Variants in STX17 observed in about 807,000 individuals in gnomAD.
STX17 encodes the protein syntaxin 17.
In STX17, 29 loss-of-function variants were observed where a neutral mutation model predicts 35.9. The ratio of observed to expected loss-of-function variants is 0.81; its 90% CI spans 0.60 to 1.10. STX17 has a LOEUF of 1.10. STX17 is among the 50% of genes least tolerant of loss of function. STX17 has a pLI of 0.00. For synonymous variants in STX17, 92 were observed against 118.3 expected, an observed-to-expected ratio of 0.78 and a Z score of 1.44; for missense variants, 312 against 352.3, an observed-to-expected ratio of 0.89 and a Z score of 0.92.
Position 99,950,763 on chromosome 9 carries a change from C to T in STX17, c.190-297C>T, listed in dbSNP as rs576905264. Among the ~76,000 whole-genome samples, 26 of 151,904 alleles carry T rather than the reference C, an allele frequency of 1.7e-4. 1 individual carries two copies. The South Asian group carries it at 5.4e-3, about 31-fold the overall frequency. On this transcript the variant is annotated intron_variant, in intron 3 of 7. Transcript: ENST00000259400. ...GGTGGGATAGGTGAAGTGAGAATAT[C>T]ATTTTTATTTCATATGCTTCTGTAG...
chr9:99,922,968 C>A (rs1182194076), intron 2 of STX17, among the ~76,000 whole-genome samples: 3 of 152,180 alleles, frequency 2.0e-5, no homozygotes, highest in Admixed American at 6.5e-5. Context: ...TTCCTGTCCC[C>A]TGGTGGAACT....
chr9:99,968,504 T>G lies in STX17; in HGVS notation c.740T>G (p.Ile247Ser), dbSNP rs146095659. The G allele has an allele frequency of 6.2e-7, 1 of 1,612,642 alleles. No homozygotes were observed. The highest frequency in any genetic ancestry group is 1.3e-5 in the African/African-American group (1 of 74,840). Residue 247 changes from isoleucine (I) to serine (S), a missense_variant, in exon 8 of 8, where the codon ATT becomes AGT. Physicochemically the swap from Ile to Ser is moderately radical, Grantham distance 142 (BLOSUM62 -2). Coordinates refer to ENST00000259400, the MANE Select transcript of STX17 (RefSeq NM_017919.3). ...ALIGGMVGGP[I>S]GLLAGFKVAG... ...ATCGGGGGAATGGTAGGGGGTCCTA[T>G]TGGCCTCCTTGCAGGCTTCAAAGTG...
At chr9:99,944,978 A>G (rs1054157164) in intron 3 of STX17, among the ~76,000 whole-genome samples, 3 of 152,214 alleles carry the variant, frequency 2.0e-5, no homozygotes, top group African/African-American at 7.2e-5. Flanking sequence ...ATCAGTGTCA[A>G]TATTTTTGAA....
chr9:99,909,715 T>C (rs1205847694), intron 1 of STX17, among the ~76,000 whole-genome samples: 3 of 152,160 alleles, frequency 2.0e-5, no homozygotes, highest in African/African-American at 7.2e-5. Flanking sequence ...TAGTACTTGA[T>C]AGCCGAACAG....
intron 3 of STX17, among the ~76,000 whole-genome samples, chr9:99,941,482 T>G: frequency 6.6e-6 from 1 of 152,304 alleles, no homozygotes; most frequent in South Asian, 2.1e-4. Context: ...GAAATATAAT[T>G]TACGTATTCT....
At chr9:99,922,899 A>G (rs1273889158) in intron 2 of STX17, among the ~76,000 whole-genome samples, 1 of 152,234 alleles carries the variant, frequency 6.6e-6, no homozygotes, top group East Asian at 1.9e-4. Flanking sequence ...TGGGCAGTGG[A>G]AGCAGTATAA....
intron 4 of STX17, among the ~76,000 whole-genome samples, chr9:99,955,593 T>C (rs1159622579): frequency 6.6e-6 from 1 of 152,116 alleles, no homozygotes; most frequent in Non-Finnish European, 1.5e-5. Flanking sequence ...TTATATACTA[T>C]AATTCTTGGT....
In STX17 at chr9:99,928,811, G is replaced by A. The variant is rs758304276; in HGVS notation, c.157G>A (p.Glu53Lys). 1.1e-5 allele frequency: 17 copies of A among 1,613,520 alleles called. No homozygotes were observed. In the Admixed American group the frequency reaches 1.8e-4, roughly 17 times the overall value. Reference protein sequence around the residue: ...QRCRIWDKLHEEHINAGRTVQ... With the variant: ...QRCRIWDKLHKEHINAGRTVQ... ...GTGCAGAATCTGGGACAAGTTGCAT[G>A]AAGAGCATATCAATGCAGGACGTAC... Residue 53 changes from glutamate (E) to lysine (K), a missense_variant, in exon 3 of 8, where the codon GAA becomes AAA. Physicochemically the swap from Glu to Lys is moderately conservative, Grantham distance 56. Coordinates refer to ENST00000259400, the MANE Select transcript of STX17 (RefSeq NM_017919.3).
intron 4 of STX17, among the ~76,000 whole-genome samples, chr9:99,952,429 G>A (rs1233563753): frequency 2.0e-5 from 3 of 152,198 alleles, no homozygotes; most frequent in Non-Finnish European, 4.4e-5. Flanking sequence ...TACACTGTTG[G>A]TGGGACTGTA....
chr9:99,967,772 T>C lies in STX17; in HGVS notation c.669+33T>C, dbSNP rs1284973770. The C allele has an allele frequency of 2.5e-6, 4 of 1,584,382 alleles. No individual in the cohort carries two copies. In the African/African-American group the frequency reaches 4.0e-5, roughly 16 times the overall value. On this transcript the variant is annotated intron_variant, in intron 7 of 7. Coordinates refer to ENST00000259400, the MANE Select transcript of STX17 (RefSeq NM_017919.3). ...TCTGCTCCTGCTGACAAATCAATGG[T>C]ACTCTGGCTCCCAGGAATCTCTAGT...
intron 2 of STX17, among the ~76,000 whole-genome samples, chr9:99,918,867 G>A (rs999051989): frequency 6.6e-6 from 1 of 152,104 alleles, no homozygotes; most frequent in Non-Finnish European, 1.5e-5. Flanking sequence ...TTTCAAAGGC[G>A]ATAGTTGTGG....
At chr9:99,918,882 G>C (rs763842683) in intron 2 of STX17, among the ~76,000 whole-genome samples, 1 of 152,144 alleles carries the variant, frequency 6.6e-6, no homozygotes, top group Non-Finnish European at 1.5e-5. Flanking sequence ...TTGTGGCAGG[G>C]GTTGGGTGAG....
In STX17 at chr9:99,943,754, G is replaced by T. The variant is rs1034000208; in HGVS notation, c.190-7306G>T. Among the ~76,000 whole-genome samples, 8 of 152,254 alleles carry T rather than the reference G, an allele frequency of 5.3e-5. No individual in the cohort carries two copies. In the East Asian group the frequency reaches 1.5e-3, roughly 29 times the overall value. On this transcript the variant is annotated intron_variant, in intron 3 of 7. Transcript: ENST00000259400. ...GATTTTAAAATCTTGTTTATAGTGC[G>T]TGAGACTAGTCTGAATTTTTCTTTA...
chr9:99,944,576 G>A (rs898871574), intron 3 of STX17, among the ~76,000 whole-genome samples: 1 of 150,576 alleles, frequency 6.6e-6, no homozygotes, highest in Non-Finnish European at 1.5e-5. Context: ...GTGCAATGGT[G>A]CAATCTTGGC....
At position 99,911,261 on chromosome 9, in the gene STX17, C is replaced by T. The variant is rs192042144; in HGVS notation, c.-62-3917C>T. On this transcript the variant is annotated intron_variant, in intron 1 of 7. Coordinates refer to ENST00000259400, the MANE Select transcript of STX17 (RefSeq NM_017919.3). Reference sequence around the variant, plus strand: ...CCATGTTAGCCAGGATGGTCTCGATCTCCTGACCTGATCGGCCCGCCTCCA... The same window carrying T: ...CCATGTTAGCCAGGATGGTCTCGATTTCCTGACCTGATCGGCCCGCCTCCA... Among the ~76,000 whole-genome samples the T allele has an allele frequency of 2.2e-3, 328 of 152,252 alleles. 2 individuals are homozygous for T. The highest frequency in any genetic ancestry group is 6.8e-3 in the Middle Eastern group (2 of 294).
chr9:99,926,336 A>T (rs913883300), intron 2 of STX17, among the ~76,000 whole-genome samples: 4 of 152,032 alleles, frequency 2.6e-5, no homozygotes, highest in African/African-American at 9.7e-5. Flanking sequence ...TTCTCATTGC[A>T]GATCATGTTA....
chr9:99,940,364 T>C (rs1243875066), intron 3 of STX17, among the ~76,000 whole-genome samples: 1 of 151,722 alleles, frequency 6.6e-6, no homozygotes, highest in Non-Finnish European at 1.5e-5. Flanking sequence ...CTCCTGACCT[T>C]CAAGTGATCC....
intron 3 of STX17, among the ~76,000 whole-genome samples, chr9:99,944,688 G>T (rs1229255119): frequency 2.6e-5 from 4 of 151,690 alleles, no homozygotes; most frequent in African/African-American, 9.7e-5. Context: ...CTAATTTTTT[G>T]TATTTTTAGT....
intron 1 of STX17, among the ~76,000 whole-genome samples, chr9:99,910,763 A>G (rs1322335541): frequency 6.6e-6 from 1 of 152,244 alleles, no homozygotes; most frequent in Admixed American, 6.5e-5. Flanking sequence ...GTTATTAAAC[A>G]TGAATAATGT....
Sources: gnomAD v4.1 joint callset for allele counts (sites outside exome capture counted in the v4.1 genomes callset) on GRCh38, gnomAD v4.1.1 for gene constraint, MANE v1.5 for transcripts, NCBI Gene and HGNC (gene_info 2026-07-23, HGNC 2026-07-21) for gene names.